Variants in MDFIC2 observed in about 807,000 individuals in gnomAD.
MDFIC2 encodes the protein MyoD family inhibitor domain containing 2, also known as myoD family inhibitor domain-containing protein 2.
intron 2 of MDFIC2, among the ~76,000 whole-genome samples, chr3:70,248,194 T>C (rs1701726653): frequency 6.6e-6 from 1 of 152,090 alleles, no homozygotes; most frequent in African/African-American, 2.4e-5. Flanking sequence ...AGTAAGTAAA[T>C]AATTGCAAAG....
intron 2 of MDFIC2, among the ~76,000 whole-genome samples, chr3:70,216,789 C>T (rs1489779522): frequency 6.6e-6 from 1 of 152,082 alleles, no homozygotes; most frequent in African/African-American, 2.4e-5. Context: ...AGATTTTGCC[C>T]CCCAAGGGAA....
At chr3:70,287,735 A>C (rs373167063) in intron 2 of MDFIC2, among the ~76,000 whole-genome samples, 1 of 151,490 alleles carries the variant, frequency 6.6e-6, no homozygotes, top group South Asian at 2.1e-4. Flanking sequence ...ACAATTTCAG[A>C]TCCTGTTATT....
chr3:70,245,741 CCT>C (rs1391119738), intron 2 of MDFIC2, among the ~76,000 whole-genome samples: 1 of 109,016 alleles, frequency 9.2e-6, no homozygotes, highest in Admixed American at 1.2e-4. Flanking sequence ...AATAAAGCTC[CCT>C]GAGTTATGTA....
At chr3:70,247,036 G>A (rs1701713975) in intron 2 of MDFIC2, among the ~76,000 whole-genome samples, 2 of 151,912 alleles carry the variant, frequency 1.3e-5, no homozygotes, top group South Asian at 4.2e-4. Flanking sequence ...TGACTACCAC[G>A]AAGGATAGTT....
chr3:70,205,757 A>C (rs1344245975), intron 3 of MDFIC2: 2 of 152,110 alleles, frequency 1.3e-5, no homozygotes, highest in Non-Finnish European at 2.9e-5. Flanking sequence ...CAAAAAGTAA[A>C]TATGTATTTA....
intron 2 of MDFIC2, among the ~76,000 whole-genome samples, chr3:70,230,022 A>G (rs377269023): frequency 6.6e-6 from 1 of 152,174 alleles, no homozygotes; most frequent in Non-Finnish European, 1.5e-5. Context: ...ATTTTATCAT[A>G]TTAAAAGTGC....
intron 2 of MDFIC2, among the ~76,000 whole-genome samples, chr3:70,241,712 A>G (rs1701668327): frequency 6.6e-6 from 1 of 152,184 alleles, no homozygotes; most frequent in South Asian, 2.1e-4. Flanking sequence ...CTGTTCCTAA[A>G]CATTGCGGCT....
At chr3:70,236,937 A>C (rs1014023529) in intron 2 of MDFIC2, among the ~76,000 whole-genome samples, 1 of 152,180 alleles carries the variant, frequency 6.6e-6, no homozygotes, top group Non-Finnish European at 1.5e-5. Context: ...TTTATTAAGC[A>C]AGTCACATGT....
At chr3:70,256,937 T>C (rs572018644) in intron 2 of MDFIC2, among the ~76,000 whole-genome samples, 2 of 152,144 alleles carry the variant, frequency 1.3e-5, no homozygotes, top group Non-Finnish European at 2.9e-5. Context: ...TGGATTATAA[T>C]TGGTCCACCC....
At chr3:70,302,971 C>A (rs570645243) in intron 2 of MDFIC2, among the ~76,000 whole-genome samples, 1 of 152,248 alleles carries the variant, frequency 6.6e-6, no homozygotes, top group South Asian at 2.1e-4. Context: ...TATGAGAACA[C>A]AGAAGATCTC....
chr3:70,197,394 G>A (rs973038335), intron 3 of MDFIC2, among the ~76,000 whole-genome samples: 2 of 152,112 alleles, frequency 1.3e-5, no homozygotes, highest in Non-Finnish European at 2.9e-5. Flanking sequence ...AACTTCCTGA[G>A]CATTTCCTAT....
chr3:70,268,303 C>T (rs879447575), intron 2 of MDFIC2, among the ~76,000 whole-genome samples: 5 of 151,920 alleles, frequency 3.3e-5, no homozygotes, highest in African/African-American at 7.3e-5. Flanking sequence ...AAACACCCAC[C>T]GTCTGTACTA....
At chr3:70,246,917 C>T (rs962260442) in intron 2 of MDFIC2, among the ~76,000 whole-genome samples, 1 of 151,890 alleles carries the variant, frequency 6.6e-6, no homozygotes, top group Non-Finnish European at 1.5e-5. Context: ...TTAGACATGA[C>T]TCTTTTTTCA....
At chr3:70,222,830 A>G (rs1027191524) in intron 2 of MDFIC2, among the ~76,000 whole-genome samples, 1 of 152,214 alleles carries the variant, frequency 6.6e-6, no homozygotes, top group African/African-American at 2.4e-5. Context: ...ATAAGTCATT[A>G]GAAGATACTG....
intron 2 of MDFIC2, among the ~76,000 whole-genome samples, chr3:70,264,760 G>A (rs1457911522): frequency 6.6e-6 from 1 of 152,238 alleles, no homozygotes; most frequent in African/African-American, 2.4e-5. Context: ...GCAGTGTGAT[G>A]AATCTCATGA....
chr3:70,214,607 C>CTT lies in MDFIC2; in HGVS notation c.89-7819_89-7818dup, dbSNP rs11391954. ...TTCAATTTTTGGGGGCTGAAGTGGGCTTTTTTTTTTTTTTATCTAACTATT... is the reference window on the plus strand; with the variant it reads ...TTCAATTTTTGGGGGCTGAAGTGGGCTTTTTTTTTTTTTTTTATCTAACTATT... On this transcript the variant is annotated intron_variant, in intron 2 of 3. Transcript: ENST00000567252. 8.5e-3 allele frequency among the ~76,000 whole-genome samples: 1,194 copies of CTT among 140,258 alleles called. 62 individuals carry two copies. In the East Asian group the frequency reaches 0.15, roughly 17 times the overall value. 92.0% of individuals were successfully genotyped at this position (140,258 alleles called of 152,430 possible). A position where few individuals can be genotyped will look rare whatever the true frequency, so the allele number is the denominator to read the frequency against.
chr3:70,306,922 A>G (rs1373613513), intron 2 of MDFIC2, among the ~76,000 whole-genome samples: 3 of 152,154 alleles, frequency 2.0e-5, no homozygotes, highest in African/African-American at 2.4e-5. Context: ...ATGTACATAT[A>G]TACACATTGA....
intron 2 of MDFIC2, among the ~76,000 whole-genome samples, chr3:70,217,398 G>T (rs1301069642): frequency 6.6e-6 from 1 of 152,106 alleles, no homozygotes; most frequent in Non-Finnish European, 1.5e-5. Flanking sequence ...TGAATTAATG[G>T]TTGAATTTCT....
At chr3:70,261,632 T>A (rs1183630045) in intron 2 of MDFIC2, among the ~76,000 whole-genome samples, 1 of 152,166 alleles carries the variant, frequency 6.6e-6, no homozygotes, top group Non-Finnish European at 1.5e-5. Context: ...CTTTCAACAA[T>A]TTCTACCATA....
Sources: allele counts gnomAD v4.1 joint callset (sites outside exome capture counted in the v4.1 genomes callset), GRCh38; gene constraint gnomAD v4.1.1; transcripts MANE v1.5; gene names NCBI Gene and HGNC (gene_info 2026-07-23, HGNC 2026-07-21).